DLG2: variants seen among roughly 807,000 people sequenced by gnomAD.
DLG2 encodes the protein discs large MAGUK scaffold protein 2, also known as disks large homolog 2.
Under a neutral mutation model 132.5 loss-of-function variants are expected in DLG2, and 45 were observed. The ratio of observed to expected loss-of-function variants is 0.34; its 90% confidence interval spans 0.27 to 0.44. The LOEUF is 0.44. Among genes scored for constraint, DLG2 ranks in the 20% least tolerant of loss-of-function variants. DLG2 has a pLI of 1.00. For synonymous variants in DLG2, 424 were observed against 419.6 expected (o/e 1.01, Z -0.13); for missense variants, 1,045 against 1,196.9 (o/e 0.87, Z 1.87).
At chr11:84,793,580 C>T (rs58434551) in intron 6 of DLG2, among the ~76,000 whole-genome samples, 87 of 152,278 alleles carry the variant, frequency 5.7e-4, no homozygotes, top group African/African-American at 2.0e-3. Context: ...TATCTGGGTG[C>T]TCAAGCATTG....
intron 7 of DLG2, among the ~76,000 whole-genome samples, chr11:84,382,871 C>CA (rs574888659): frequency 0.23 from 33,147 of 143,538 alleles, 5,156 homozygotes; most frequent in African/African-American, 0.45. Flanking sequence ...GACTCCGTCA[C>CA]AAAAAAAAAA....
intron 8 of DLG2, among the ~76,000 whole-genome samples, chr11:84,194,848 C>T (rs532772479): frequency 2.0e-5 from 3 of 152,298 alleles, no homozygotes; most frequent in African/African-American, 7.2e-5. Context: ...GGCACTAGGC[C>T]TCTCACTGCC....
At chr11:83,871,935 C>A (rs188400452) in intron 16 of DLG2, among the ~76,000 whole-genome samples, 1 of 151,948 alleles carries the variant, frequency 6.6e-6, no homozygotes, top group African/African-American at 2.4e-5. Flanking sequence ...TACTTATTGA[C>A]GGTCCAATAT....
intron 18 of DLG2, among the ~76,000 whole-genome samples, chr11:83,672,697 GGT>G (rs1258495573): frequency 6.6e-6 from 1 of 152,010 alleles, no homozygotes; most frequent in Non-Finnish European, 1.5e-5. Context: ...CAGTATTTTT[GGT>G]GTGTTTGTGT....
intron 6 of DLG2, among the ~76,000 whole-genome samples, chr11:84,683,100 G>A (rs2099734961): frequency 6.6e-6 from 1 of 152,172 alleles, no homozygotes; most frequent in African/African-American, 2.4e-5. Context: ...ATGAGTGTAA[G>A]TTATCCAAGA....
intron 21 of DLG2, 106 bp from the exon 22 acceptor site, chr11:83,484,334 C>G (rs1007840816): frequency 5.2e-6 from 4 of 768,082 alleles, no homozygotes; most frequent in Non-Finnish European, 2.2e-6. Flanking sequence ...GCTGTAGTGA[C>G]GCAAGTGGAT....
intron 15 of DLG2, among the ~76,000 whole-genome samples, chr11:83,882,421 G>T (rs1301709626): frequency 6.6e-6 from 1 of 151,724 alleles, no homozygotes; most frequent in Non-Finnish European, 1.5e-5. Context: ...GGGACAAACA[G>T]ATGGATATAA....
At chr11:84,084,133 T>C (rs2154159254) in intron 10 of DLG2, among the ~76,000 whole-genome samples, 1 of 152,270 alleles carries the variant, frequency 6.6e-6, no homozygotes, top group African/African-American at 2.4e-5. Context: ...AGGGCAACTA[T>C]TTGAAGAAAA....
chr11:85,163,066 T>A (rs1594966568), intron 4 of DLG2, among the ~76,000 whole-genome samples: 4 of 152,174 alleles, frequency 2.6e-5, no homozygotes, highest in Admixed American at 2.0e-4. Flanking sequence ...CCTTCTCCCA[T>A]GCTGGAAGCT....
chr11:85,210,357 C>T (rs1164199496), intron 4 of DLG2, among the ~76,000 whole-genome samples: 5 of 152,092 alleles, frequency 3.3e-5, no homozygotes, highest in Non-Finnish European at 7.3e-5. Flanking sequence ...ACCAAACATC[C>T]TCTCCCTCAG....
At chr11:84,308,205 G>C (rs1287121196) in intron 7 of DLG2, among the ~76,000 whole-genome samples, 1 of 152,090 alleles carries the variant, frequency 6.6e-6, no homozygotes, top group Non-Finnish European at 1.5e-5. Context: ...GGGCTGATTG[G>C]TGCGTTTACA....
chr11:84,595,741 C>G (rs1460106943), intron 6 of DLG2, among the ~76,000 whole-genome samples: 1 of 152,120 alleles, frequency 6.6e-6, no homozygotes, highest in Non-Finnish European at 1.5e-5. Flanking sequence ...TTCCTTTAAC[C>G]ATAAATAAAG....
rs1284052519 is a variant in DLG2, at chr11:85,384,461, TACTTA to T, written c.41-99101_41-99097del. Among the ~76,000 whole-genome samples the T allele has an allele frequency of 3.9e-5, 6 of 152,294 alleles. No individual in the cohort carries two copies. In the South Asian group the frequency reaches 8.3e-4, roughly 21 times the overall value. On this transcript the variant is annotated intron_variant, in intron 3 of 27. Transcript: ENST00000376104. ...TTGGAACTCATATCAAAAAGCTAGT[TACTTA>T]ACTTGAGCATAGGCTTTAGAGTCAT...
intron 6 of DLG2, among the ~76,000 whole-genome samples, chr11:85,109,069 AT>A (rs200182951): frequency 7.4e-5 from 11 of 147,868 alleles, no homozygotes; most frequent in Admixed American, 2.7e-4. Context: ...GGAAAAAAAA[AT>A]TCAACTGGCC....
intron 4 of DLG2, among the ~76,000 whole-genome samples, chr11:85,273,054 T>C (rs1166222473): frequency 6.6e-6 from 1 of 152,126 alleles, no homozygotes; most frequent in African/African-American, 2.4e-5. Flanking sequence ...TAGCCATATG[T>C]AGAAAGCTGA....
At chr11:83,482,864 A>ATAAAG (rs376359047) in intron 22 of DLG2, among the ~76,000 whole-genome samples, 202 of 152,306 alleles carry the variant, frequency 1.3e-3, no homozygotes, top group African/African-American at 4.7e-3. Context: ...AAGAAAGAAC[A>ATAAAG]TAAAGTACAT....
chr11:85,557,606 C>T (rs968187707), intron 3 of DLG2, among the ~76,000 whole-genome samples: 2 of 151,798 alleles, frequency 1.3e-5, no homozygotes, highest in East Asian at 1.9e-4. Flanking sequence ...CAAGAACAGA[C>T]ACATAGGCCA....
At chr11:84,856,972 G>C (rs2154026041) in intron 6 of DLG2, among the ~76,000 whole-genome samples, 1 of 152,072 alleles carries the variant, frequency 6.6e-6, no homozygotes, top group Non-Finnish European at 1.5e-5. Context: ...GCCAAGGGAA[G>C]AGATCATTTC....
At chr11:84,640,718 G>C (rs753192912) in intron 6 of DLG2, among the ~76,000 whole-genome samples, 4 of 152,098 alleles carry the variant, frequency 2.6e-5, no homozygotes, top group African/African-American at 9.7e-5. Context: ...AAGGCGTGAC[G>C]ATCATGAGGT....
Sources: gnomAD v4.1 joint callset for allele counts (sites outside exome capture counted in the v4.1 genomes callset) on GRCh38, gnomAD v4.1.1 for gene constraint, MANE v1.5 for transcripts, NCBI Gene and HGNC (gene_info 2026-07-23, HGNC 2026-07-21) for gene names.